Variants in STC1 observed in about 807,000 individuals in gnomAD.
STC1 encodes stanniocalcin-1.
A neutral mutation model predicts 22.6 loss-of-function variants in STC1; 7 were observed. The ratio of observed to expected loss-of-function variants is 0.31; its 90% CI spans 0.18 to 0.58. The LOEUF is 0.58. Among genes scored for constraint, STC1 ranks in the 20% least tolerant of loss-of-function variants. The probability of loss-of-function intolerance (pLI) is 0.89; values close to 1 mark genes in which losing one functional copy is unlikely to be tolerated. For missense variants in STC1, 224 were observed against 311.0 expected (o/e 0.72, Z 2.10); for synonymous variants, 113 against 120.7 (o/e 0.94, Z 0.42).
At chr8:23,849,619 C>T (rs1030943894) in intron 3 of STC1, among the ~76,000 whole-genome samples, 2 of 152,180 alleles carry the variant, frequency 1.3e-5, no homozygotes, top group African/African-American at 4.8e-5. Context: ...AAAGACCTCT[C>T]TGCCTTTCTA....
chr8:23,852,734 G>T (rs1298022664), intron 1 of STC1, among the ~76,000 whole-genome samples: 2 of 152,160 alleles, frequency 1.3e-5, no homozygotes, highest in Admixed American at 6.5e-5. Flanking sequence ...TCATTGCTTA[G>T]CACTTGAAAG....
chr8:23,852,434 G>A (rs1174722119), intron 1 of STC1, 50 bp from the exon 2 acceptor site: 1 of 1,543,894 alleles, frequency 6.5e-7, no homozygotes, highest in Middle Eastern at 2.1e-4. Context: ...AGGAATGGCT[G>A]GGTGGGATCA....
intron 3 of STC1, among the ~76,000 whole-genome samples, chr8:23,847,389 A>G (rs1802585725): frequency 6.6e-6 from 1 of 152,120 alleles, no homozygotes; most frequent in Non-Finnish European, 1.5e-5. Context: ...GTGTTTCTTG[A>G]CAGTGACCCT....
intron 3 of STC1, among the ~76,000 whole-genome samples, chr8:23,848,156 T>G (rs918249284): frequency 9.9e-6 from 1 of 101,288 alleles, no homozygotes; most frequent in Non-Finnish European, 2.1e-5. Context: ...TCAATACACA[T>G]TTTTCTTCTC....
chr8:23,850,470 C>T (rs747495560), intron 3 of STC1, among the ~76,000 whole-genome samples: 4 of 152,180 alleles, frequency 2.6e-5, no homozygotes, highest in African/African-American at 4.8e-5. Context: ...CAGACCTCCA[C>T]GCCAACCCCA....
At chr8:23,852,091 CACTTGTGCATACACAT>C in intron 2 of STC1, 135 bp downstream of exon 2, 1 of 838,604 alleles carries the variant, frequency 1.2e-6, no homozygotes, top group Non-Finnish European at 1.9e-6. Context: ...TGCATGCACA[CACTTGTGCATACACAT>C]GCTGAGATGG....
At position 23,854,676 on chromosome 8, in the gene STC1, G is replaced by A; in HGVS notation, c.-153C>T. ...AGGATTTTTTTTTGTTGTTGTTGCT[G>A]GTGATGCTGCTGCTGCCACCGGTGC... On this transcript the variant is annotated 5_prime_UTR_variant, in exon 1 of 4. Coordinates refer to ENST00000290271, the MANE Select transcript of STC1 (RefSeq NM_003155.3). 2 of 781,640 alleles carry A rather than the reference G, an allele frequency of 2.6e-6. No homozygotes were observed. The highest frequency in any genetic ancestry group is 2.3e-6 in the Non-Finnish European group (1 of 441,110). The allele number at this position is 781,640 out of a possible 1,614,324, so 48.4% of individuals were successfully genotyped here.
At chr8:23,848,953 G>A (rs184978707) in intron 3 of STC1, among the ~76,000 whole-genome samples, 7 of 152,100 alleles carry the variant, frequency 4.6e-5, no homozygotes, top group East Asian at 1.9e-4. Context: ...GCCTCGCACC[G>A]CCCTGCTGGC....
In STC1 at chr8:23,844,191, T is replaced by A. The variant is rs1162208494; in HGVS notation, c.*579A>T. ...TCAAAGTCTGGTTGGACAGCCAGGC[T>A]CAAGCAATTTGGTAAATGTGTCGGA... On this transcript the variant is annotated 3_prime_UTR_variant, in exon 4 of 4. Transcript: ENST00000290271. 6.5e-6 allele frequency: 1 copy of A among 154,118 alleles called. No homozygotes were observed. The highest frequency in any genetic ancestry group is 1.4e-5 in the Non-Finnish European group (1 of 69,056). The allele number at this position is 154,118 out of a possible 1,614,324, so 9.5% of individuals were successfully genotyped here. A position where few individuals can be genotyped will look rare whatever the true frequency, so the allele number is the denominator to read the frequency against.
rs1254694288 is a variant in STC1 at position 23,843,309 on chromosome 8, T to A, written c.*1461A>T. 6.6e-6 allele frequency: 1 copy of A among 152,582 alleles called. No individual in the cohort carries two copies. The highest frequency in any genetic ancestry group is 1.5e-5 in the Non-Finnish European group (1 of 68,034). The allele number at this position is 152,582 out of a possible 1,614,324, so 9.5% of individuals were successfully genotyped here. A position where few individuals can be genotyped will look rare whatever the true frequency, so the allele number is the denominator to read the frequency against. On this transcript the variant is annotated 3_prime_UTR_variant, in exon 4 of 4. Coordinates refer to ENST00000290271, the MANE Select transcript of STC1 (RefSeq NM_003155.3). ...TTTTTCCCTCTTTCTTTCTTTTTTT[T>A]TTCTTTTTTTCTATTTTTTTACGAT...
chr8:23,847,182 T>G (rs1802583170), intron 3 of STC1, among the ~76,000 whole-genome samples: 1 of 152,266 alleles, frequency 6.6e-6, no homozygotes. Context: ...TTAGAAGGAC[T>G]TGAAAGCTCT....
intron 3 of STC1, among the ~76,000 whole-genome samples, chr8:23,847,179 G>T (rs1802583120): frequency 6.6e-6 from 1 of 152,226 alleles, no homozygotes; most frequent in Non-Finnish European, 1.5e-5. Context: ...TCCTTAGAAG[G>T]ACTTGAAAGC....
Position 23,851,397 on chromosome 8 carries a change from C to G in STC1, c.396G>C (p.Leu132=). Residue 132 remains leucine (L), a synonymous_variant, in exon 3 of 4, where the codon CTG becomes CTC. Transcript: ENST00000290271. ...TCCGCTTGGCGATGCTGCACACATT[C>G]AGCTTGCTGTAGCACTCTTCCTGCA... The part of the protein sequence containing the change: ...AEVQEECYSK[L]NVCSIAKRNP... 6.2e-7 allele frequency: 1 copy of G among 1,614,176 alleles called. No individual in the cohort carries two copies. Among genetic ancestry groups the G allele is most frequent in the Non-Finnish European group, 8.5e-7 (1 of 1,180,038 alleles).
chr8:23,851,584 G>A, intron 2 of STC1, 53 bp from the exon 3 acceptor site: 2 of 1,560,674 alleles, frequency 1.3e-6, no homozygotes, highest in Non-Finnish European at 1.8e-6. Context: ...TGACAAAGAG[G>A]ATGGGCATAT....
intron 3 of STC1, among the ~76,000 whole-genome samples, chr8:23,845,925 T>C (rs1416036466): frequency 1.3e-5 from 2 of 152,222 alleles, no homozygotes; most frequent in African/African-American, 4.8e-5. Context: ...GGTTTTGTGA[T>C]GGCTTTCTTT....
At chr8:23,848,705 CT>C (rs563476206) in intron 3 of STC1, among the ~76,000 whole-genome samples, 111 of 145,746 alleles carry the variant, frequency 7.6e-4, no homozygotes, top group Admixed American at 1.0e-3. Flanking sequence ...CATCCCTGAC[CT>C]TTTTTTTTTT....
rs775498685 is a variant in STC1, at chr8:23,844,828, A to T, written c.686T>A (p.Leu229His). 2.5e-6 allele frequency: 4 copies of T among 1,614,016 alleles called. No homozygotes were observed. Among genetic ancestry groups the T allele is most frequent in the Non-Finnish European group, 3.4e-6 (4 of 1,179,984 alleles). Reference protein sequence around the residue: ...PQKLKVLLRNLRGEEDSPSHI... With the variant: ...PQKLKVLLRNHRGEEDSPSHI... ...GGAGGGAGAGTCCTCCTCACCTCGG[A>T]GGTTCCTGAGGAGGACTTTCAGCTT... Residue 229 changes from leucine (L) to histidine (H), a missense_variant, in exon 4 of 4, where the codon CTC becomes CAC. Coordinates refer to ENST00000290271, the MANE Select transcript of STC1 (RefSeq NM_003155.3).
chr8:23,851,581 G>A, intron 2 of STC1, 50 bp from the exon 3 acceptor site: 2 of 1,572,670 alleles, frequency 1.3e-6, no homozygotes, highest in Non-Finnish European at 1.7e-6. Context: ...ACCTGACAAA[G>A]AGGATGGGCA....
intron 3 of STC1, among the ~76,000 whole-genome samples, chr8:23,849,985 G>A (rs1333115334): frequency 6.6e-6 from 1 of 152,138 alleles, no homozygotes; most frequent in African/African-American, 2.4e-5. Context: ...TGAGAAAATG[G>A]TTGGATTTTT....
Sources: allele counts gnomAD v4.1 joint callset (sites outside exome capture counted in the v4.1 genomes callset), GRCh38; gene constraint gnomAD v4.1.1; transcripts MANE v1.5; gene names NCBI Gene and HGNC (gene_info 2026-07-23, HGNC 2026-07-21).